Variants in EVL observed in about 807,000 individuals in gnomAD.
EVL encodes the protein ena/VASP-like protein.
Under a neutral mutation model 59.6 loss-of-function variants are expected in EVL, and 21 were observed. That is an observed-to-expected ratio of 0.35 (90% CI 0.25 to 0.51). EVL has a LOEUF of 0.51. Among genes scored for constraint, EVL ranks in the 20% least tolerant of loss-of-function variants. The pLI is 0.97. For synonymous variants in EVL, 198 were observed against 203.5 expected (o/e 0.97, Z 0.23); for missense variants, 462 against 546.6 (o/e 0.85, Z 1.54).
chr14:99,973,382 G>A (rs1433454788), intron 1 of EVL, among the ~76,000 whole-genome samples: 1 of 152,180 alleles, frequency 6.6e-6, no homozygotes, highest in East Asian at 1.9e-4. Flanking sequence ...GTTGACTGAT[G>A]AGGCTGAACA....
intron 3 of EVL, among the ~76,000 whole-genome samples, chr14:100,117,975 C>T (rs1323694916): frequency 3.3e-5 from 5 of 152,216 alleles, no homozygotes; most frequent in Non-Finnish European, 7.3e-5. Context: ...ATATGTATTG[C>T]ATTGACTATA....
At chr14:99,995,029 A>T (rs968974830) in intron 1 of EVL, among the ~76,000 whole-genome samples, 25 of 152,160 alleles carry the variant, frequency 1.6e-4, no homozygotes, top group African/African-American at 5.6e-4. Flanking sequence ...ATCTTATAGG[A>T]GCTTCCTTAT....
At chr14:100,097,807 T>C (rs2295856) in intron 3 of EVL, 149 bp downstream of exon 3, 122,463 of 633,346 alleles carry the variant, frequency 0.19, 17,085 homozygotes, top group African/African-American at 0.59. Context: ...CTGCCTGCCT[T>C]TAGATTTAGA....
chr14:100,026,253 A>C lies in EVL; in HGVS notation c.5+54196A>C, dbSNP rs952019613. On this transcript the variant is annotated intron_variant, in intron 1 of 13. Coordinates refer to the EVL transcript ENST00000402714. The stretch of plus-strand genomic sequence containing the variant: ...CAGGAAAAAAAAAAACAAAAAAAAA[A>C]CACAACACTGTTGTGTCCATAGTGC... Among the ~76,000 whole-genome samples, 1,038 of 149,880 alleles carry C rather than the reference A, an allele frequency of 6.9e-3. 9 individuals are homozygous for C. Among genetic ancestry groups the C allele is most frequent in the African/African-American group, 0.024 (978 of 40,164 alleles).
chr14:100,065,371 G>A (rs1208413560), upstream of EVL: 1 of 1,032,470 alleles, frequency 9.7e-7, no homozygotes, highest in Non-Finnish European at 1.3e-6. Context: ...TCCTTTTCCT[G>A]TTTGGTTTTA....
chr14:100,052,186 A>G (rs1035016154), intron 1 of EVL, among the ~76,000 whole-genome samples: 5 of 152,360 alleles, frequency 3.3e-5, no homozygotes, highest in Admixed American at 3.3e-4. Context: ...TGATGTGTAT[A>G]GCATGTTTGA....
chr14:100,095,916 C>T (rs894251226), intron 2 of EVL, among the ~76,000 whole-genome samples: 13 of 152,158 alleles, frequency 8.5e-5, no homozygotes, highest in Admixed American at 5.2e-4. Context: ...TTAGTAGAGA[C>T]GGGGTTTTGC....
chr14:100,060,724 A>C (rs2061812897), upstream of EVL, among the ~76,000 whole-genome samples: 1 of 152,202 alleles, frequency 6.6e-6, no homozygotes. Context: ...AGAATTTCCC[A>C]AATTTGGTGA....
intron 1 of EVL, among the ~76,000 whole-genome samples, chr14:100,069,067 C>T (rs539393512): frequency 6.6e-6 from 1 of 152,318 alleles, no homozygotes; most frequent in African/African-American, 2.4e-5. Context: ...AGAATGTAAA[C>T]TCCCAGAAGG....
chr14:99,985,513 A>G (rs543949359), intron 1 of EVL, among the ~76,000 whole-genome samples: 2 of 152,092 alleles, frequency 1.3e-5, no homozygotes, highest in African/African-American at 4.8e-5. Context: ...CATGCCTGTA[A>G]TCTCAGCACT....
intron 1 of EVL, among the ~76,000 whole-genome samples, chr14:100,060,293 T>G (rs2061802868): frequency 6.6e-6 from 1 of 151,430 alleles, no homozygotes; most frequent in African/African-American, 2.4e-5. Context: ...TAGCCGGGCG[T>G]GGTGGCGGGC....
intron 1 of EVL, among the ~76,000 whole-genome samples, chr14:99,991,154 A>G (rs1344701038): frequency 6.6e-6 from 1 of 152,204 alleles, no homozygotes; most frequent in Non-Finnish European, 1.5e-5. Flanking sequence ...GGATGAAGAC[A>G]TTTATGATTA....
At chr14:100,137,868 G>A in intron 11 of EVL, 66 bp downstream of exon 11, 3 of 1,481,188 alleles carry the variant, frequency 2.0e-6, no homozygotes, top group Non-Finnish European at 2.8e-6. Context: ...CCCGTCCCGT[G>A]ACTAACACCC....
chr14:100,047,118 C>CTCTTTTTTTTTTTTTT (rs1566983192), intron 1 of EVL, among the ~76,000 whole-genome samples: 3 of 23,888 alleles, frequency 1.3e-4, no homozygotes, highest in African/African-American at 4.1e-4. Context: ...ATCTCTCTCT[C>CTCTTTTTTTTTTTTTT]TTTTTTTTTT....
intron 1 of EVL, among the ~76,000 whole-genome samples, chr14:100,075,095 G>C (rs555783679): frequency 2.0e-5 from 3 of 152,362 alleles, no homozygotes; most frequent in Admixed American, 1.3e-4. Flanking sequence ...ACCTCGTGAT[G>C]GTGGTTTGAG....
At position 99,987,905 on chromosome 14, in the gene EVL, A is replaced by ATT. The variant is rs774580760; in HGVS notation, c.5+15873_5+15874dup. 5.5e-3 allele frequency among the ~76,000 whole-genome samples: 566 copies of ATT among 103,824 alleles called. 32 individuals carry two copies. Among genetic ancestry groups the ATT allele is most frequent in the African/African-American group, 0.012 (269 of 21,942 alleles). The allele number at this position is 103,824 out of a possible 152,430, so 68.1% of individuals were successfully genotyped here. On this transcript the variant is annotated intron_variant, in intron 1 of 13. Coordinates refer to the EVL transcript ENST00000402714. ...ATCTCAACAATGAAAAGACAACCCA[A>ATT]TTTTTTTTTTTTTTTTTTTTTTTTT...
chr14:100,067,124 A>G (rs565715640), intron 1 of EVL, among the ~76,000 whole-genome samples: 2 of 152,170 alleles, frequency 1.3e-5, no homozygotes, highest in Non-Finnish European at 2.9e-5. Context: ...TCCCCCGTAC[A>G]AGGCTGCTTG....
At chr14:100,141,028 C>T in intron 11 of EVL, 152 bp from the exon 12 acceptor site, 4 of 630,874 alleles carry the variant, frequency 6.3e-6, no homozygotes, top group Non-Finnish European at 1.1e-5. Context: ...TTAAATCCTT[C>T]TCAGGCAGTC....
In EVL at chr14:99,993,057, C is replaced by CTT. The variant is rs544024215; in HGVS notation, c.5+21017_5+21018dup. 5.9e-3 allele frequency among the ~76,000 whole-genome samples: 765 copies of CTT among 129,648 alleles called. 10 individuals are homozygous for CTT. Among genetic ancestry groups the CTT allele is most frequent in the African/African-American group, 0.02 (657 of 32,748 alleles). The allele number at this position is 129,648 out of a possible 152,430, so 85.1% of individuals were successfully genotyped here. On this transcript the variant is annotated intron_variant, in intron 1 of 13. Transcript: ENST00000402714. The stretch of plus-strand genomic sequence containing the variant: ...CAGGCATTGGTGGTGGCGTATAATC[C>CTT]TTTTTTTTTTTTTTTTTTGAGACGG...
Sources: allele counts gnomAD v4.1 joint callset (sites outside exome capture counted in the v4.1 genomes callset), GRCh38; gene constraint gnomAD v4.1.1; transcripts MANE v1.5; gene names NCBI Gene and HGNC (gene_info 2026-07-23, HGNC 2026-07-21).